The following PPP1R9B variants were observed in gnomAD, a reference collection of about 807,000 sequenced individuals.
The protein encoded by PPP1R9B is protein phosphatase 1 regulatory subunit 9B.
A neutral mutation model predicts 75.8 loss-of-function variants in PPP1R9B; 17 were observed. The observed-to-expected ratio is 0.22, with a 90% confidence interval of 0.15 to 0.34. The LOEUF (loss-of-function observed/expected upper bound fraction) is 0.34, where lower values mean the gene tolerates loss of function less well. PPP1R9B is among the 10% of genes least tolerant of loss of function. PPP1R9B has a pLI of 1.00. For missense variants in PPP1R9B, 875 were observed against 1,196.0 expected (o/e 0.73, Z 3.96); for synonymous variants, 509 against 535.4 (o/e 0.95, Z 0.68).
At chr17:50,147,221 C>A (rs1403791097) in intron 1 of PPP1R9B, among the ~76,000 whole-genome samples, 2 of 152,206 alleles carry the variant, frequency 1.3e-5, no homozygotes, top group Non-Finnish European at 2.9e-5. Context: ...GGCTGCCCAC[C>A]ATGATATGCC....
intron 1 of PPP1R9B, among the ~76,000 whole-genome samples, chr17:50,147,482 G>C (rs1022855471): frequency 1.3e-5 from 2 of 152,222 alleles, no homozygotes; most frequent in Non-Finnish European, 2.9e-5. Context: ...ACACACGCTG[G>C]CTCTCACACA....
chr17:50,147,682 T>C (rs1367893392), intron 1 of PPP1R9B, among the ~76,000 whole-genome samples: 2 of 151,990 alleles, frequency 1.3e-5, no homozygotes, highest in Non-Finnish European at 2.9e-5. Flanking sequence ...CAAACTCTGC[T>C]TCAGAGTCCC....
At position 50,139,057 on chromosome 17, in the gene PPP1R9B, G is replaced by A. The variant is rs540367871; in HGVS notation, c.2073+206C>T. 1.9e-4 allele frequency among the ~76,000 whole-genome samples: 29 copies of A among 152,348 alleles called. 2 individuals are homozygous for A. In the South Asian group the frequency reaches 5.2e-3, roughly 27 times the overall value. ...TCATTTTATAGATGAGGAGGCTGAG[G>A]CACAGAGAAGCAAGTGATGCTGGAG... On this transcript the variant is annotated intron_variant, in intron 7 of 9. Coordinates refer to ENST00000612501, the MANE Select transcript of PPP1R9B (RefSeq NM_032595.5). The surrounding 1 kb of genome is among the most constrained non-coding windows in gnomAD (Gnocchi z 5.0).
In PPP1R9B at chr17:50,134,876, G is replaced by A. The variant is rs1006319432; in HGVS notation, c.*455C>T. ...AATGATGGGGGGAGAGGGAAGGGCCGAGAAGGTAGAATCTCAAGTCAAGAG... is the reference window on the plus strand; with the variant it reads ...AATGATGGGGGGAGAGGGAAGGGCCAAGAAGGTAGAATCTCAAGTCAAGAG... On this transcript the variant is annotated 3_prime_UTR_variant, in exon 10 of 10. Coordinates refer to ENST00000612501, the MANE Select transcript of PPP1R9B (RefSeq NM_032595.5). The A allele has an allele frequency of 5.7e-5, 10 of 174,712 alleles. No homozygotes were observed. Among genetic ancestry groups the A allele is most frequent in the Non-Finnish European group, 1.2e-4 (10 of 81,158 alleles). 10.8% of individuals were successfully genotyped at this position (174,712 alleles called of 1,614,324 possible).
chr17:50,140,972 G>A (rs1176392429), intron 4 of PPP1R9B, among the ~76,000 whole-genome samples: 1 of 152,176 alleles, frequency 6.6e-6, no homozygotes, highest in Non-Finnish European at 1.5e-5. Flanking sequence ...TCTTCAGTCA[G>A]TGAGTCAGGG....
At chr17:50,137,308 T>A (rs1005902738) in intron 7 of PPP1R9B, 1 of 152,438 alleles carries the variant, frequency 6.6e-6, no homozygotes, top group Non-Finnish European at 1.5e-5. Flanking sequence ...CATGCCAGCG[T>A]GTGATGATGA....
Position 50,149,007 on chromosome 17 carries a change from T to G in PPP1R9B, c.1371+136A>C. On this transcript the variant is annotated intron_variant, in intron 1 of 9. Transcript: ENST00000612501. The surrounding 1 kb of genome is among the most constrained non-coding windows in gnomAD (Gnocchi z 7.2). ...GAACTCCCCCACGCCCCCCTGAGGG[T>G]GGGAACTTCTGGGAAGGGGGCTGGG... is the stretch of plus-strand genomic sequence containing the variant. 1 of 566,326 alleles carries G rather than the reference T, an allele frequency of 1.8e-6. No homozygotes were observed. Among genetic ancestry groups the G allele is most frequent in the Non-Finnish European group, 2.8e-6 (1 of 352,226 alleles). The allele number at this position is 566,326 out of a possible 1,614,324, so 35.1% of individuals were successfully genotyped here. A position where few individuals can be genotyped will look rare whatever the true frequency, so the allele number is the denominator to read the frequency against.
At chr17:50,140,708 G>T (rs745334646) in intron 4 of PPP1R9B, among the ~76,000 whole-genome samples, 1 of 152,174 alleles carries the variant, frequency 6.6e-6, no homozygotes, top group African/African-American at 2.4e-5. Flanking sequence ...CCCTCCTCCC[G>T]GTGGCCACCC....
Position 50,149,583 on chromosome 17 carries a change from C to A in PPP1R9B, c.931G>T (p.Ala311Ser). The change falls in exon 1 of 10, where the codon GCC becomes TCC. Residue 311 changes from alanine (A) to serine (S), a missense_variant. Physicochemically the swap from Ala to Ser is moderately conservative, Grantham distance 99. Transcript: ENST00000612501. This position sits in a 1 kb window ranked among gnomAD's most constrained non-coding sequence, Gnocchi z 7.2. ...ATCACCTCCCCGGGCGCCGACTCGG[C>A]CTCCGACTCCCCGCTCTCCTCCACC... ...VEVEESGESE[A>S]ESAPGEVIQA... 2 of 1,574,432 alleles carry A rather than the reference C, an allele frequency of 1.3e-6. No homozygotes were observed. The highest frequency in any genetic ancestry group is 1.2e-5 in the South Asian group (1 of 86,092).
Position 50,145,359 on chromosome 17 carries a change from C to T in PPP1R9B, c.1372-114G>A, listed in dbSNP as rs538282668. ...CCACCCCATGCCTCCCCATGATAGC[C>T]CTGAGATGAGGCCTCACCCAGTCCC... On this transcript the variant is annotated intron_variant, in intron 1 of 9. Coordinates refer to ENST00000612501, the MANE Select transcript of PPP1R9B (RefSeq NM_032595.5). 13 of 1,364,376 alleles carry T rather than the reference C, an allele frequency of 9.5e-6. No individual in the cohort carries two copies. In the East Asian group the frequency reaches 2.1e-4, roughly 22 times the overall value. 84.5% of individuals were successfully genotyped at this position (1,364,376 alleles called of 1,614,324 possible).
chr17:50,145,337 C>T (rs758056988), intron 1 of PPP1R9B, 92 bp from the exon 2 acceptor site: 8 of 1,466,622 alleles, frequency 5.5e-6, no homozygotes, highest in Non-Finnish European at 7.5e-6. Flanking sequence ...GAGTTACCCA[C>T]CCCATGCCTC....
rs372812830 is a variant in PPP1R9B at position 50,139,538 on chromosome 17, G to A, written c.1910C>T (p.Thr637Met). Reference protein sequence around the residue: ...ATDEDEELSPTFPGGEMAIEV... With the variant: ...ATDEDEELSPMFPGGEMAIEV... ...GATGGCCATCTCACCACCCGGGAAC[G>A]TGGGGCTCAGCTCCTCATCCTCGTC... Residue 637 changes from threonine (T) to methionine (M), a missense_variant, in exon 6 of 10, where the codon ACG becomes ATG. By Grantham distance (81) the Thr-to-Met change is moderately conservative. This residue lies in a region of PPP1R9B where 218 missense variants were observed against 334.6 expected (regional missense o/e 0.65). Transcript: ENST00000612501. This position sits in a 1 kb window ranked among gnomAD's most constrained non-coding sequence, Gnocchi z 5.0. 90 of 1,591,074 alleles carry A rather than the reference G, an allele frequency of 5.7e-5. No homozygotes were observed. In the African/African-American group the frequency reaches 9.7e-4, roughly 17 times the overall value.
intron 8 of PPP1R9B, 143 bp from the exon 9 acceptor site, chr17:50,135,792 C>T: frequency 1.1e-6 from 1 of 891,436 alleles, no homozygotes; most frequent in South Asian, 1.7e-5. Flanking sequence ...CCCAAAGCCT[C>T]TGGGGGTCTG....
At position 50,142,849 on chromosome 17, in the gene PPP1R9B, A is replaced by C. The variant is rs927463513; in HGVS notation, c.1625+749T>G. Reference sequence around the variant, plus strand: ...TACAGGCACACACACTCACATGCGCAAAGACAGCCTGTCTCCAGAGCCACT... The same window carrying C: ...TACAGGCACACACACTCACATGCGCCAAGACAGCCTGTCTCCAGAGCCACT... On this transcript the variant is annotated intron_variant, in intron 3 of 9. Coordinates refer to ENST00000612501, the MANE Select transcript of PPP1R9B (RefSeq NM_032595.5). The surrounding 1 kb of genome is among the most constrained non-coding windows in gnomAD (Gnocchi z 4.1). Among the ~76,000 whole-genome samples the C allele has an allele frequency of 6.6e-6, 1 of 152,154 alleles. No individual in the cohort carries two copies. Among genetic ancestry groups the C allele is most frequent in the Non-Finnish European group, 1.5e-5 (1 of 68,026 alleles).
rs536369240 is a variant in PPP1R9B, at chr17:50,140,330, G to A, written c.1731-102C>T. ...TCTCCAAACTCAGGCCCTCCCAGGG[G>A]AGGAGAGATGAGAGGGCTGAGTCCG... On this transcript the variant is annotated intron_variant, in intron 4 of 9. Transcript: ENST00000612501. 2.7e-4 allele frequency: 380 copies of A among 1,410,324 alleles called. 6 individuals carry two copies. In the South Asian group the frequency reaches 4.4e-3, roughly 16 times the overall value. 87.4% of individuals were successfully genotyped at this position (1,410,324 alleles called of 1,614,324 possible). A position where few individuals can be genotyped will look rare whatever the true frequency, so the allele number is the denominator to read the frequency against.
rs866735482 is a variant in PPP1R9B, at chr17:50,148,862, G to A, written c.1371+281C>T. 5.7e-4 allele frequency among the ~76,000 whole-genome samples: 87 copies of A among 152,330 alleles called. 1 individual carries two copies. The highest frequency in any genetic ancestry group is 9.8e-4 in the Admixed American group (15 of 15,306). On this transcript the variant is annotated intron_variant, in intron 1 of 9. Transcript: ENST00000612501. ...GGAAAGCAGGTGTCCCAGGACCCGC[G>A]TGGGGCAGGGCGGGTTCCGCGGAGC...
In PPP1R9B at chr17:50,150,024, C is replaced by G; in HGVS notation, c.490G>C (p.Glu164Gln). The G allele has an allele frequency of 6.8e-7, 1 of 1,478,454 alleles. No homozygotes were observed. The highest frequency in any genetic ancestry group is 2.9e-5 in the East Asian group (1 of 34,246). 91.6% of individuals were successfully genotyped at this position (1,478,454 alleles called of 1,614,324 possible). The change falls in exon 1 of 10, where the codon GAG (glutamate) becomes CAG (glutamine). Residue 164 changes from glutamate (E) to glutamine (Q), a missense_variant. This residue lies in a region of PPP1R9B where 449 missense variants were observed against 475.0 expected (regional missense o/e 0.95). Coordinates refer to ENST00000612501, the MANE Select transcript of PPP1R9B (RefSeq NM_032595.5). This position sits in a 1 kb window ranked among gnomAD's most constrained non-coding sequence, Gnocchi z 8.7. The stretch of plus-strand genomic sequence containing the variant: ...CTCAGCAGCCGCCGCGCCGCGGCCT[C>G]CTTGTCGCCGCCTGCGGCCGCTGGG... ...SAPAAAGGDK[E>Q]AAARRLLRQE...
chr17:50,149,265 C>T lies in PPP1R9B; in HGVS notation c.1249G>A (p.Asp417Asn). ...TAGGGGGGCTCCCCATCCTCCTCGT[C>T]GTCTTCGTCGTCCTCCTCCAGGGCA... ...GSALEEDDED[D>N]EEDGEPPYEP... is the part of the protein sequence containing the mutation. The change falls in exon 1 of 10, where the codon GAC becomes AAC. Residue 417 changes from aspartate (D) to asparagine (N), a missense_variant. Physicochemically the swap from Asp to Asn is conservative, Grantham distance 23. Around this residue, in one of 4 missense-constraint regions of PPP1R9B, gnomAD observed 449 missense variants for 475.0 expected, o/e 0.95. Transcript: ENST00000612501. This position sits in a 1 kb window ranked among gnomAD's most constrained non-coding sequence, Gnocchi z 7.2. 1 of 1,612,918 alleles carries T rather than the reference C, an allele frequency of 6.2e-7. No individual in the cohort carries two copies. Among genetic ancestry groups the T allele is most frequent in the Non-Finnish European group, 8.5e-7 (1 of 1,179,584 alleles).
At position 50,144,241 on chromosome 17, in the gene PPP1R9B, G is replaced by A. The variant is rs145314373; in HGVS notation, c.1505-523C>T. Among the ~76,000 whole-genome samples the A allele has an allele frequency of 4.6e-3, 698 of 152,094 alleles. 5 individuals carry two copies. Among genetic ancestry groups the A allele is most frequent in the African/African-American group, 0.016 (658 of 41,478 alleles). ...CCACAAACACTCCCTCATGGGGGAT[G>A]GTACCACCACCTGCCACCTGCCAGA... On this transcript the variant is annotated intron_variant, in intron 2 of 9. Coordinates refer to ENST00000612501, the MANE Select transcript of PPP1R9B (RefSeq NM_032595.5).
Sources: gnomAD v4.1 joint callset for allele counts (sites outside exome capture counted in the v4.1 genomes callset) on GRCh38, gnomAD v4.1.1 for gene constraint, gnomAD v4.1.1 regional missense constraint, Gnocchi (gnomAD v3.1) non-coding constraint, MANE v1.5 for transcripts, NCBI Gene and HGNC (gene_info 2026-07-23, HGNC 2026-07-21) for gene names.